The following SIK2 variants were observed in gnomAD, a reference collection of about 807,000 sequenced individuals.
The protein encoded by SIK2 is serine/threonine-protein kinase SIK2.
A neutral mutation model predicts 103.2 loss-of-function variants in SIK2; 29 were observed. The observed-to-expected ratio is 0.28, with a 90% CI of 0.21 to 0.38. The LOEUF (loss-of-function observed/expected upper bound fraction) is 0.38, where lower values mean the gene tolerates loss of function less well. Among genes scored for constraint, SIK2 ranks in the 10% least tolerant of loss-of-function variants. The pLI, the probability that SIK2 is intolerant of heterozygous loss-of-function variation, is 1.00. For missense variants in SIK2, 879 were observed against 1,171.0 expected (o/e 0.75, Z 3.64); for synonymous variants, 412 against 446.1 (o/e 0.92, Z 0.96).
chr11:111,708,438 C>G (rs924035631), intron 8 of SIK2, among the ~76,000 whole-genome samples: 2 of 152,052 alleles, frequency 1.3e-5, no homozygotes, highest in Admixed American at 6.6e-5. Flanking sequence ...ATTTAGACAA[C>G]AGTGGGATTC....
intron 3 of SIK2, among the ~76,000 whole-genome samples, chr11:111,642,701 G>A (rs1025902431): frequency 6.6e-6 from 1 of 152,124 alleles, no homozygotes; most frequent in African/African-American, 2.4e-5. Context: ...CCCAGAGGTG[G>A]AACTGAAGGT....
At chr11:111,687,171 A>C (rs1942857134) in intron 3 of SIK2, among the ~76,000 whole-genome samples, 1 of 152,134 alleles carries the variant, frequency 6.6e-6, no homozygotes, top group Non-Finnish European at 1.5e-5. Flanking sequence ...CTTGCTGCTG[A>C]CTGGTCTTGG....
At chr11:111,651,687 A>G (rs1017802296) in intron 3 of SIK2, among the ~76,000 whole-genome samples, 1 of 152,120 alleles carries the variant, frequency 6.6e-6, no homozygotes, top group African/African-American at 2.4e-5. Context: ...AGAACTTAAT[A>G]ATATGCTTAC....
rs1944004608 is a variant in SIK2, at chr11:111,727,288, G to A, written c.*3159G>A. 7.1e-6 allele frequency: 4 copies of A among 564,090 alleles called. No homozygotes were observed. The highest frequency in any genetic ancestry group is 3.0e-5 in the Admixed American group (1 of 33,174). The allele number at this position is 564,090 out of a possible 1,614,324, so 34.9% of individuals were successfully genotyped here. A position where few individuals can be genotyped will look rare whatever the true frequency, so the allele number is the denominator to read the frequency against. On this transcript the variant is annotated 3_prime_UTR_variant, in exon 15 of 15. Coordinates refer to ENST00000304987, the MANE Select transcript of SIK2 (RefSeq NM_015191.3). ...GGGATGGGGCTCAGGGGCTGTTCATGCCCATCTGAGCAAACCCCTTCTCTC... is the reference window on the plus strand; with the variant it reads ...GGGATGGGGCTCAGGGGCTGTTCATACCCATCTGAGCAAACCCCTTCTCTC...
chr11:111,699,415 G>A lies in SIK2; in HGVS notation c.479-1471G>A, dbSNP rs11213981. Among the ~76,000 whole-genome samples the A allele has an allele frequency of 4.1e-4, 63 of 152,234 alleles. No individual in the cohort carries two copies. The East Asian group carries it at 8.7e-3, about 21-fold the overall frequency. ...AGGAGGAGGAGAGCTGACCTTTCAC[G>A]TCTAGTATGCTCTGGCATTTTACAT... is the stretch of plus-strand genomic sequence containing the variant. On this transcript the variant is annotated intron_variant, in intron 4 of 14. Coordinates refer to ENST00000304987, the MANE Select transcript of SIK2 (RefSeq NM_015191.3).
intron 3 of SIK2, among the ~76,000 whole-genome samples, chr11:111,647,273 A>G (rs1942269530): frequency 1.3e-5 from 2 of 152,144 alleles, no homozygotes; most frequent in African/African-American, 4.8e-5. Flanking sequence ...GTTCTTAATT[A>G]TTTCTTTAAG....
intron 3 of SIK2, among the ~76,000 whole-genome samples, chr11:111,627,049 G>T (rs1358203466): frequency 6.6e-6 from 1 of 152,114 alleles, no homozygotes; most frequent in Non-Finnish European, 1.5e-5. Flanking sequence ...GGCACAGGGA[G>T]CCTAGGAGAA....
chr11:111,703,436 GA>G lies in SIK2; in HGVS notation c.948+14del, dbSNP rs748656993. 3 of 1,611,856 alleles carry G rather than the reference GA, an allele frequency of 1.9e-6. No homozygotes were observed. The highest frequency in any genetic ancestry group is 2.5e-6 in the Non-Finnish European group (3 of 1,178,960). ...GAAAACCATTGAGGTAAAGTGATCA[GA>G]GATTTCGGGGTTCTACTGCACTTAG... On this transcript the variant is annotated intron_variant, in intron 7 of 14. Transcript: ENST00000304987.
At chr11:111,671,875 C>T in intron 3 of SIK2, 1 of 417,180 alleles carries the variant, frequency 2.4e-6, no homozygotes, top group Admixed American at 2.9e-5. Flanking sequence ...CCTCAAGCTG[C>T]CCCTGCGTAT....
At chr11:111,706,111 G>A (rs1265244372) in intron 8 of SIK2, among the ~76,000 whole-genome samples, 1 of 152,158 alleles carries the variant, frequency 6.6e-6, no homozygotes, top group Non-Finnish European at 1.5e-5. Context: ...TTGTGCCTTG[G>A]TTTCCCAAGT....
At chr11:111,617,939 A>G (rs1236658419) in intron 2 of SIK2, among the ~76,000 whole-genome samples, 2 of 150,958 alleles carry the variant, frequency 1.3e-5, no homozygotes, top group Non-Finnish European at 3.0e-5. Flanking sequence ...ATTGTATTTT[A>G]TTTTTTTTAG....
intron 1 of SIK2, among the ~76,000 whole-genome samples, chr11:111,606,649 A>G (rs1053271394): frequency 3.9e-5 from 6 of 152,176 alleles, no homozygotes; most frequent in Admixed American, 2.0e-4. Flanking sequence ...TACGCAGTGA[A>G]TATTTTTGTG....
chr11:111,671,838 T>C, intron 3 of SIK2: 1 of 409,844 alleles, frequency 2.4e-6, no homozygotes, highest in Middle Eastern at 9.6e-4. Context: ...TGCTTGTTGA[T>C]CTCATCCTCC....
intron 3 of SIK2, among the ~76,000 whole-genome samples, chr11:111,638,680 CAT>C (rs1473989794): frequency 4.6e-5 from 7 of 152,090 alleles, no homozygotes; most frequent in African/African-American, 1.2e-4. Context: ...AGATAGTAAA[CAT>C]ATATATTTAT....
rs935220554 is a variant in SIK2 at position 111,726,772 on chromosome 11, C to T, written c.*2643C>T. ...TTTTCTGCGGGGCTACTCTGAAGTA[C>T]TGACTTGCTTTCCAGTCTGATTCAC... On this transcript the variant is annotated 3_prime_UTR_variant, in exon 15 of 15. Transcript: ENST00000304987. 6 of 595,174 alleles carry T rather than the reference C, an allele frequency of 1.0e-5. No homozygotes were observed. Among genetic ancestry groups the T allele is most frequent in the African/African-American group, 5.6e-5 (3 of 53,824 alleles). The allele number at this position is 595,174 out of a possible 1,614,324, so 36.9% of individuals were successfully genotyped here. A position where few individuals can be genotyped will look rare whatever the true frequency, so the allele number is the denominator to read the frequency against.
At chr11:111,707,066 C>T (rs1288938258) in intron 8 of SIK2, among the ~76,000 whole-genome samples, 1 of 151,696 alleles carries the variant, frequency 6.6e-6, no homozygotes, top group Admixed American at 6.6e-5. Flanking sequence ...TGGAAATCTT[C>T]GAAGTTGAAT....
intron 6 of SIK2, among the ~76,000 whole-genome samples, chr11:111,702,676 G>A (rs12293028): frequency 0.032 from 4,816 of 152,284 alleles, 243 homozygotes; most frequent in African/African-American, 0.11. Flanking sequence ...CATCATGTCA[G>A]CTCAGAGAAT....
At chr11:111,697,644 C>G (rs1290049081) in intron 4 of SIK2, among the ~76,000 whole-genome samples, 1 of 152,068 alleles carries the variant, frequency 6.6e-6, no homozygotes, top group Non-Finnish European at 1.5e-5. Flanking sequence ...AGGATTTGAT[C>G]CCCAATCTGC....
chr11:111,641,808 G>A (rs1335051958), intron 3 of SIK2, among the ~76,000 whole-genome samples: 1 of 151,996 alleles, frequency 6.6e-6, no homozygotes, highest in Non-Finnish European at 1.5e-5. Context: ...TATGTGTACC[G>A]TATGAGAGAC....
Sources: allele counts gnomAD v4.1 joint callset (sites outside exome capture counted in the v4.1 genomes callset), GRCh38; gene constraint gnomAD v4.1.1; transcripts MANE v1.5; gene names NCBI Gene and HGNC (gene_info 2026-07-23, HGNC 2026-07-21).